ZC3H12B: variants seen among roughly 807,000 people sequenced by gnomAD.
The protein encoded by ZC3H12B is zinc finger CCCH-type containing 12B.
A neutral mutation model predicts 43.9 loss-of-function variants in ZC3H12B; 7 were observed. The ratio of observed to expected loss-of-function variants is 0.16; its 90% CI spans 0.09 to 0.30. The LOEUF (loss-of-function observed/expected upper bound fraction) is 0.30, where lower values mean the gene tolerates loss of function less well. ZC3H12B is among the 10% of genes least tolerant of loss of function. ZC3H12B has a pLI of 1.00. For missense variants in ZC3H12B, 475 were observed against 670.2 expected (o/e 0.71, Z 3.22); for synonymous variants, 222 against 241.7 (o/e 0.92, Z 0.76).
chrX:65,178,706 A>G, the ZC3H12B span, among the ~76,000 whole-genome samples: 1 of 112,645 alleles, frequency 8.9e-6, no homozygotes, highest in African/African-American at 3.2e-5. Flanking sequence ...CAAAACTGCA[A>G]TGAGATACAA....
At chrX:65,284,665 G>A in the ZC3H12B span, among the ~76,000 whole-genome samples, 1 of 110,891 alleles carries the variant, frequency 9.0e-6, no homozygotes, top group Non-Finnish European at 1.9e-5. Context: ...GGAGGCTGAG[G>A]CAGGAGAATC....
chrX:65,295,422 G>A, the ZC3H12B span, among the ~76,000 whole-genome samples: 1 of 111,326 alleles, frequency 9.0e-6, no homozygotes, highest in African/African-American at 3.3e-5. Flanking sequence ...TAAGAGGAAC[G>A]TTCAGAGCAT....
At position 65,426,978 on chromosome X, in the gene ZC3H12B, A is replaced by G. The variant is rs377230120; in HGVS notation, n.407+28274A>G. The stretch of plus-strand genomic sequence containing the variant: ...AGTTATGTAGATATCTATCAGGTCT[A>G]CTTGATCCAGAGCTAAGTTCAGGTC... On this transcript the variant is annotated intron_variant and non_coding_transcript_variant, in intron 3 of 5. Coordinates refer to the ZC3H12B transcript ENST00000617377. 1.1e-4 allele frequency among the ~76,000 whole-genome samples: 12 copies of G among 111,691 alleles called. No individual in the cohort carries two copies. The East Asian group carries it at 2.2e-3, about 21-fold the overall frequency.
At chrX:65,318,328 C>A in the ZC3H12B span, among the ~76,000 whole-genome samples, 1 of 109,759 alleles carries the variant, frequency 9.1e-6, no homozygotes, top group Non-Finnish European at 1.9e-5. Context: ...TTTCTTCTTC[C>A]TTTTTTCTTC....
chrX:65,347,627 C>T, the ZC3H12B span, among the ~76,000 whole-genome samples: 6 of 112,278 alleles, frequency 5.3e-5, no homozygotes, highest in African/African-American at 1.9e-4. Context: ...AACACTTTTA[C>T]ACTGTTGGTG....
At chrX:65,192,913 A>G in the ZC3H12B span, among the ~76,000 whole-genome samples, 1 of 110,423 alleles carries the variant, frequency 9.1e-6, no homozygotes, top group Non-Finnish European at 1.9e-5. Flanking sequence ...AGTTGGGACT[A>G]CAGGTGCGTG....
At chrX:65,066,019 G>T in the ZC3H12B span, among the ~76,000 whole-genome samples, 2 of 107,620 alleles carry the variant, frequency 1.9e-5, no homozygotes, top group African/African-American at 6.8e-5. Context: ...CTCTAAACTG[G>T]TTATTCTAGT....
the ZC3H12B span, among the ~76,000 whole-genome samples, chrX:65,103,135 C>T: frequency 9.0e-6 from 1 of 111,236 alleles, no homozygotes; most frequent in Non-Finnish European, 1.9e-5. Context: ...GGCCTGGGAG[C>T]ACTATGGGAG....
At chrX:65,225,392 G>C in the ZC3H12B span, among the ~76,000 whole-genome samples, 1 of 111,908 alleles carries the variant, frequency 8.9e-6, no homozygotes, top group Non-Finnish European at 1.9e-5. Context: ...CATCATCAAA[G>C]ACCAACAGTA....
intron 3 of ZC3H12B, among the ~76,000 whole-genome samples, chrX:65,425,656 A>C (rs959394882): frequency 9.0e-6 from 1 of 111,308 alleles, no homozygotes; most frequent in African/African-American, 3.3e-5. Flanking sequence ...GTTTATTGAG[A>C]GTTTTTAACA....
chrX:65,128,083 A>G, the ZC3H12B span, among the ~76,000 whole-genome samples: 6 of 111,702 alleles, frequency 5.4e-5, no homozygotes, highest in Admixed American at 9.5e-5. Flanking sequence ...TAGTTCTTGG[A>G]TGAAAGTTCA....
chrX:65,052,373 A>G, the ZC3H12B span, among the ~76,000 whole-genome samples: 2 of 111,121 alleles, frequency 1.8e-5, no homozygotes, highest in African/African-American at 6.5e-5. Flanking sequence ...GTTATTATTG[A>G]TTATAGTCAC....
At chrX:65,429,310 C>T (rs1002923176) in intron 3 of ZC3H12B, among the ~76,000 whole-genome samples, 20 of 112,445 alleles carry the variant, frequency 1.8e-4, no homozygotes, top group Non-Finnish European at 3.6e-4. Context: ...TCTCTTCAGC[C>T]CCCAATTGAT....
the ZC3H12B span, among the ~76,000 whole-genome samples, chrX:65,092,489 G>A: frequency 8.9e-6 from 1 of 111,819 alleles, no homozygotes; most frequent in Admixed American, 9.5e-5. Context: ...TGACAGTGAA[G>A]GCCAGGCTCA....
At chrX:65,397,470 G>A (rs771469748) in intron 2 of ZC3H12B, among the ~76,000 whole-genome samples, 52 of 111,407 alleles carry the variant, frequency 4.7e-4, no homozygotes, top group African/African-American at 1.7e-3. Context: ...AGTTTGGCTG[G>A]ATATGAAATT....
chrX:65,251,080 T>G, the ZC3H12B span, among the ~76,000 whole-genome samples: 1 of 112,290 alleles, frequency 8.9e-6, no homozygotes, highest in African/African-American at 3.2e-5. Flanking sequence ...GGTCTAACAT[T>G]TAATCCTTTA....
the ZC3H12B span, among the ~76,000 whole-genome samples, chrX:65,245,791 A>T: frequency 2.7e-5 from 3 of 111,408 alleles, no homozygotes; most frequent in Non-Finnish European, 5.7e-5. Flanking sequence ...GCACAAGACA[A>T]TGATGCCTTC....
the ZC3H12B span, among the ~76,000 whole-genome samples, chrX:65,084,251 A>C: frequency 2.7e-5 from 3 of 111,890 alleles, no homozygotes; most frequent in Non-Finnish European, 5.6e-5. Flanking sequence ...AGCGAAAACA[A>C]ACAAATGATC....
chrX:65,219,672 A>C, the ZC3H12B span, among the ~76,000 whole-genome samples: 2 of 111,638 alleles, frequency 1.8e-5, no homozygotes, highest in Non-Finnish European at 3.8e-5. Flanking sequence ...GACAAAGCTA[A>C]GAATAATTGG....
Sources: gnomAD v4.1 joint callset for allele counts (sites outside exome capture counted in the v4.1 genomes callset) on GRCh38, gnomAD v4.1.1 for gene constraint, MANE v1.5 for transcripts, NCBI Gene and HGNC (gene_info 2026-07-23, HGNC 2026-07-21) for gene names.